Variants in AFF1 observed in about 807,000 individuals in gnomAD.
The protein encoded by AFF1 is AF4/FMR2 family member 1.
AFF1 carries 48 observed loss-of-function variants against 121.7 expected under a neutral mutation model. That is an observed-to-expected ratio of 0.39 (90% CI 0.31 to 0.50). AFF1 has a LOEUF of 0.50. Among genes scored for constraint, AFF1 ranks in the 20% least tolerant of loss-of-function variants. AFF1 has a pLI of 0.76. For synonymous variants in AFF1, 613 were observed against 563.0 expected (o/e 1.09, Z -1.26); for missense variants, 1,523 against 1,511.7 (o/e 1.01, Z -0.12).
intron 1 of AFF1, among the ~76,000 whole-genome samples, chr4:86,944,426 G>A (rs957740633): frequency 3.3e-5 from 5 of 151,788 alleles, no homozygotes; most frequent in African/African-American, 1.2e-4. Context: ...GAGTGCAGTG[G>A]CGCGATCTCA....
chr4:87,074,240 A>G (rs529754575), intron 4 of AFF1, among the ~76,000 whole-genome samples: 1 of 152,300 alleles, frequency 6.6e-6, no homozygotes, highest in African/African-American at 2.4e-5. Context: ...GCCATTTGAA[A>G]GGACTTGTCA....
intron 5 of AFF1, among the ~76,000 whole-genome samples, chr4:87,086,131 CT>C (rs1273062878): frequency 6.6e-6 from 1 of 152,192 alleles, no homozygotes; most frequent in Non-Finnish European, 1.5e-5. Flanking sequence ...TTTTATCATC[CT>C]TTTCCTCTTC....
rs1218846288 is a variant in AFF1 at position 86,944,405 on chromosome 4, C to T, written c.-36-4093C>T. ...TTTTTTTTGGACAGTCTTGTTCTGT[C>T]GCCCATGCTGGAGTGCAGTGGCGCG... is the stretch of plus-strand genomic sequence containing the variant. On this transcript the variant is annotated intron_variant, in intron 1 of 20. Coordinates refer to ENST00000395146, the MANE Select transcript of AFF1 (RefSeq NM_001166693.3). Among the ~76,000 whole-genome samples, 4 of 151,058 alleles carry T rather than the reference C, an allele frequency of 2.6e-5. No individual in the cohort carries two copies. The South Asian group carries it at 6.2e-4, about 24-fold the overall frequency.
intron 8 of AFF1, among the ~76,000 whole-genome samples, chr4:87,098,680 AT>A (rs1329421664): frequency 6.6e-6 from 1 of 152,138 alleles, no homozygotes; most frequent in African/African-American, 2.4e-5. Flanking sequence ...GCCCTCCATT[AT>A]TTTTCTTGTT....
intron 2 of AFF1, among the ~76,000 whole-genome samples, chr4:87,043,377 CAG>C (rs1231713133): frequency 1.3e-5 from 2 of 152,160 alleles, no homozygotes; most frequent in African/African-American, 4.8e-5. Flanking sequence ...CTTAGATGCT[CAG>C]AGGATGGTTG....
chr4:87,072,141 A>T (rs1399616534), intron 4 of AFF1, among the ~76,000 whole-genome samples: 1 of 152,188 alleles, frequency 6.6e-6, no homozygotes, highest in African/African-American at 2.4e-5. Flanking sequence ...AGGTGGGCGG[A>T]TCACGAAGTC....
At chr4:86,980,959 C>A (rs939273921) in intron 2 of AFF1, among the ~76,000 whole-genome samples, 5 of 148,924 alleles carry the variant, frequency 3.4e-5, no homozygotes, top group East Asian at 2.0e-4. Context: ...CCCCCCCCTC[C>A]ACCAAAAAAA....
chr4:87,107,403 G>A (rs1560631336), intron 10 of AFF1, among the ~76,000 whole-genome samples: 1 of 152,086 alleles, frequency 6.6e-6, no homozygotes, highest in African/African-American at 2.4e-5. Context: ...TAGATTTATT[G>A]CCCCATTCTT....
At chr4:86,949,946 C>T (rs1264081176) in intron 2 of AFF1, 17 of 1,614,040 alleles carry the variant, frequency 1.1e-5, no homozygotes, top group African/African-American at 8.0e-5. Flanking sequence ...CCGCAGGTCC[C>T]GCAGGGCCAT....
At chr4:87,039,125 G>A (rs544962717) in intron 2 of AFF1, among the ~76,000 whole-genome samples, 49 of 152,338 alleles carry the variant, frequency 3.2e-4, no homozygotes, top group South Asian at 1.9e-3. Context: ...ACTGCCCCAC[G>A]TCTCATGCCC....
intron 2 of AFF1, chr4:87,020,748 T>G: frequency 1.0e-6 from 1 of 970,632 alleles, no homozygotes; most frequent in Non-Finnish European, 1.2e-6. Context: ...CCTCTCAAAA[T>G]GCTGGGATTA....
chr4:87,065,307 AC>A (rs1218705326), intron 4 of AFF1, among the ~76,000 whole-genome samples: 3 of 152,114 alleles, frequency 2.0e-5, no homozygotes, highest in African/African-American at 7.2e-5. Flanking sequence ...CATGAGACTC[AC>A]TGTTACAAGA....
At chr4:86,945,319 CT>C (rs72025655) in intron 1 of AFF1, among the ~76,000 whole-genome samples, 19,080 of 108,862 alleles carry the variant, frequency 0.18, 1,318 homozygotes, top group African/African-American at 0.31. Flanking sequence ...TTTTCTTTTC[CT>C]TTTTTTTTTT....
intron 2 of AFF1, among the ~76,000 whole-genome samples, chr4:87,014,280 ATC>A (rs753832118): frequency 6.6e-6 from 1 of 152,140 alleles, no homozygotes; most frequent in African/African-American, 2.4e-5. Flanking sequence ...ACTGCTAAGT[ATC>A]TCTCTCTCTA....
chr4:87,097,077 T>TAA (rs1724949659), intron 8 of AFF1, among the ~76,000 whole-genome samples: 2 of 152,290 alleles, frequency 1.3e-5, no homozygotes, highest in East Asian at 3.9e-4. Context: ...CTCTGTAATC[T>TAA]CCCCAGGGTT....
At chr4:87,007,218 A>T in intron 2 of AFF1, 1 of 1,449,534 alleles carries the variant, frequency 6.9e-7, no homozygotes, top group East Asian at 2.5e-5. Flanking sequence ...GCGCGAGCCA[A>T]TACGGGCCGA....
chr4:87,008,342 A>G (rs1202106958), intron 2 of AFF1, among the ~76,000 whole-genome samples: 2 of 152,178 alleles, frequency 1.3e-5, no homozygotes, highest in Non-Finnish European at 2.9e-5. Flanking sequence ...GATCATGGAG[A>G]GAAATGGATG....
At chr4:87,058,201 A>C (rs916676772) in intron 4 of AFF1, among the ~76,000 whole-genome samples, 1 of 152,204 alleles carries the variant, frequency 6.6e-6, no homozygotes, top group South Asian at 2.1e-4. Flanking sequence ...AGATGGAGAC[A>C]TGAAACCTGG....
intron 11 of AFF1, among the ~76,000 whole-genome samples, chr4:87,112,865 G>T (rs1726685913): frequency 6.6e-6 from 1 of 152,144 alleles, no homozygotes; most frequent in Admixed American, 6.5e-5. Flanking sequence ...TTAAGATAAG[G>T]ACATAAGGAC....
Sources: gnomAD v4.1 joint callset for allele counts (sites outside exome capture counted in the v4.1 genomes callset) on GRCh38, gnomAD v4.1.1 for gene constraint, MANE v1.5 for transcripts, NCBI Gene and HGNC (gene_info 2026-07-23, HGNC 2026-07-21) for gene names.